Variants in CLIC5 observed in about 807,000 individuals in gnomAD.
CLIC5 encodes the protein chloride intracellular channel protein 5.
Under a neutral mutation model 24.7 loss-of-function variants are expected in CLIC5, and 20 were observed. The observed-to-expected ratio is 0.81, with a 90% confidence interval of 0.57 to 1.18. CLIC5 has a LOEUF of 1.18. CLIC5 is among the 50% of genes most tolerant of loss of function. CLIC5 has a pLI of 0.00. For synonymous variants in CLIC5, 159 were observed against 135.6 expected, an observed-to-expected ratio of 1.17 and a Z score of -1.20; for missense variants, 341 against 326.1, an observed-to-expected ratio of 1.05 and a Z score of -0.35.
intron 1 of CLIC5, among the ~76,000 whole-genome samples, chr6:45,971,542 G>A (rs138603170): frequency 8.9e-4 from 136 of 152,270 alleles, no homozygotes; most frequent in African/African-American, 2.8e-3. Flanking sequence ...ATGATGCTAC[G>A]TGATGAACTT....
chr6:46,065,743 A>C (rs2127472239), intron 1 of CLIC5, among the ~76,000 whole-genome samples: 1 of 152,320 alleles, frequency 6.6e-6, no homozygotes, highest in South Asian at 2.1e-4. Context: ...TCCTTCTAGG[A>C]GGCAGGAGGT....
At chr6:46,047,797 A>G (rs190120633) in intron 1 of CLIC5, among the ~76,000 whole-genome samples, 228 of 152,294 alleles carry the variant, frequency 1.5e-3, no homozygotes, top group Non-Finnish European at 2.9e-3. Context: ...ATATTACAAA[A>G]TCATTGGCAA....
the CLIC5 span, among the ~76,000 whole-genome samples, chr6:46,105,700 T>C: frequency 6.6e-6 from 1 of 152,214 alleles, no homozygotes; most frequent in Non-Finnish European, 1.5e-5. Flanking sequence ...TTCTCTCAGA[T>C]CTAAAGCTCT....
intron 1 of CLIC5, among the ~76,000 whole-genome samples, chr6:45,966,573 A>T (rs1765021515): frequency 6.6e-6 from 1 of 152,180 alleles, no homozygotes; most frequent in African/African-American, 2.4e-5. Context: ...GCAGCATCAG[A>T]GTCTCTGGGC....
At chr6:46,119,815 C>A in the CLIC5 span, among the ~76,000 whole-genome samples, 2 of 152,234 alleles carry the variant, frequency 1.3e-5, no homozygotes, top group Non-Finnish European at 2.9e-5. Flanking sequence ...GGGTCCCACG[C>A]CCACAGAGCC....
At position 46,076,187 on chromosome 6, in the gene CLIC5, T is replaced by C. The variant is rs372186600; in HGVS notation, c.540+3516A>G. On this transcript the variant is annotated intron_variant, in intron 1 of 5. Coordinates refer to the CLIC5 transcript ENST00000185206. ...TGGCCCCTAAGGACTGCTGTGATCATGGTCTGTGCCTCTGCACCTCTCCAG... is the reference window on the plus strand; with the variant it reads ...TGGCCCCTAAGGACTGCTGTGATCACGGTCTGTGCCTCTGCACCTCTCCAG... Among the ~76,000 whole-genome samples the C allele has an allele frequency of 2.6e-5, 4 of 152,202 alleles. No homozygotes were observed. In the East Asian group the frequency reaches 5.8e-4, roughly 22 times the overall value.
intron 1 of CLIC5, among the ~76,000 whole-genome samples, chr6:45,987,634 T>G (rs1765788322): frequency 1.3e-5 from 2 of 152,148 alleles, no homozygotes; most frequent in Non-Finnish European, 2.9e-5. Flanking sequence ...AAATCCAAGA[T>G]CAAGATGCCG....
In CLIC5 at chr6:45,974,139, G is replaced by A. The variant is rs777436091; in HGVS notation, c.64-18895C>T. On this transcript the variant is annotated intron_variant, in intron 1 of 5. Coordinates refer to ENST00000339561, the MANE Select transcript of CLIC5 (RefSeq NM_016929.5). ...AATCTTGCATGTGTTCGTATTGTAC[G>A]TGTGAGAGAGAGGAGAAATATATAT... Among the ~76,000 whole-genome samples the A allele has an allele frequency of 3.3e-4, 50 of 151,946 alleles. 1 individual carries two copies. The highest frequency in any genetic ancestry group is 1.0e-3 in the African/African-American group (42 of 41,330).
the CLIC5 span, among the ~76,000 whole-genome samples, chr6:46,107,105 A>T: frequency 1.3e-5 from 2 of 152,362 alleles, no homozygotes; most frequent in Admixed American, 1.3e-4. Flanking sequence ...GTAATCTTTC[A>T]TAAATAAAGT....
chr6:46,120,877 A>G, the CLIC5 span, among the ~76,000 whole-genome samples: 1 of 152,196 alleles, frequency 6.6e-6, no homozygotes, highest in African/African-American at 2.4e-5. Flanking sequence ...AGAGAAGTTT[A>G]GAGAAAAAAG....
At chr6:45,968,269 C>A (rs1765082523) in intron 1 of CLIC5, among the ~76,000 whole-genome samples, 2 of 152,190 alleles carry the variant, frequency 1.3e-5, no homozygotes, top group South Asian at 4.1e-4. Flanking sequence ...ACTCTGAAAG[C>A]ATTCACATTT....
intron 1 of CLIC5, among the ~76,000 whole-genome samples, chr6:46,072,095 G>A (rs1408481747): frequency 6.6e-6 from 1 of 152,094 alleles, no homozygotes; most frequent in Non-Finnish European, 1.5e-5. Context: ...AGGGTAGAGG[G>A]TGGGAGGAGG....
intron 1 of CLIC5, among the ~76,000 whole-genome samples, chr6:46,072,224 C>A (rs569986446): frequency 2.0e-5 from 3 of 147,860 alleles, no homozygotes; most frequent in Non-Finnish European, 4.5e-5. Context: ...TAATGTACCC[C>A]TGAACTTAAA....
At chr6:46,002,344 C>T (rs1766394521) in intron 1 of CLIC5, among the ~76,000 whole-genome samples, 1 of 152,154 alleles carries the variant, frequency 6.6e-6, no homozygotes, top group Non-Finnish European at 1.5e-5. Flanking sequence ...TAAGATTTCT[C>T]TCAAGTCAGT....
chr6:45,957,001 A>G (rs1581789937), intron 1 of CLIC5, among the ~76,000 whole-genome samples: 1 of 152,340 alleles, frequency 6.6e-6, no homozygotes, highest in East Asian at 1.9e-4. Context: ...CTTCTCAAGA[A>G]GCACTTGACA....
In CLIC5 at chr6:45,949,337, G is replaced by C; in HGVS notation, c.218C>G (p.Pro73Arg). Residue 73 changes from proline (P) to arginine (R), a missense_variant, in exon 3 of 6, where the codon CCC becomes CGC. Transcript: ENST00000339561. ...LHNLAPGTHP[P>R]FLTFNGDVKT... ...CACGTCCCCGTTGAAGGTCAGGAAG[G>C]GCGGGTGCGTGCCGGGGGCTAGGTT... is the stretch of plus-strand genomic sequence containing the variant. The C allele has an allele frequency of 6.2e-7, 1 of 1,614,004 alleles. No individual in the cohort carries two copies. The highest frequency in any genetic ancestry group is 8.5e-7 in the Non-Finnish European group (1 of 1,179,918).
intron 1 of CLIC5, among the ~76,000 whole-genome samples, chr6:46,032,093 T>C (rs1767520216): frequency 6.6e-6 from 1 of 151,974 alleles, no homozygotes; most frequent in African/African-American, 2.4e-5. Flanking sequence ...AGAAAAGAGA[T>C]TTAATTGACT....
intron 5 of CLIC5, among the ~76,000 whole-genome samples, chr6:45,905,740 T>C (rs1218908687): frequency 6.6e-6 from 1 of 152,184 alleles, no homozygotes; most frequent in Non-Finnish European, 1.5e-5. Flanking sequence ...TAAGTCCCAC[T>C]TGTCAATTTT....
At chr6:46,023,075 C>G (rs925732692) in intron 1 of CLIC5, among the ~76,000 whole-genome samples, 2 of 152,162 alleles carry the variant, frequency 1.3e-5, no homozygotes, top group African/African-American at 4.8e-5. Flanking sequence ...TTGATGGAAT[C>G]AATGAATGAA....
Sources: allele counts gnomAD v4.1 joint callset (sites outside exome capture counted in the v4.1 genomes callset), GRCh38; gene constraint gnomAD v4.1.1; transcripts MANE v1.5; gene names NCBI Gene and HGNC (gene_info 2026-07-23, HGNC 2026-07-21).